TRAPPC2L: variants seen among roughly 807,000 people sequenced by gnomAD.
TRAPPC2L encodes the protein trafficking protein particle complex subunit 2-like protein.
Under a neutral mutation model 13.2 loss-of-function variants are expected in TRAPPC2L, and 17 were observed. The observed-to-expected ratio is 1.29, with a 90% CI of 0.88 to 1.93. TRAPPC2L has a LOEUF of 1.93. TRAPPC2L is among the 30% of genes most tolerant of loss of function. TRAPPC2L has a pLI of 0.00. For synonymous variants in TRAPPC2L, 150 were observed against 98.1 expected (o/e 1.53, Z -3.12); for missense variants, 359 against 252.1 (o/e 1.42, Z -2.87).
Position 88,858,777 on chromosome 16 carries a change from G to A in TRAPPC2L, c.192G>A (p.Thr64=), listed in dbSNP as rs754004742. The stretch of plus-strand genomic sequence containing the variant: ...TGTACCTGGGCCTGCTCTACCCCAC[G>A]GAGGACTACAAGGTGTATCTTTCAG... The change falls in exon 2 of 4, where the codon ACG becomes ACA. Residue 64 remains threonine (T), a synonymous_variant. Coordinates refer to ENST00000565504, the Ensembl canonical transcript of TRAPPC2L. 4.3e-6 allele frequency: 7 copies of A among 1,613,282 alleles called. No individual in the cohort carries two copies. In the Admixed American group the frequency reaches 6.7e-5, roughly 15 times the overall value.
upstream of TRAPPC2L, chr16:88,856,946 C>G (rs973158848): frequency 1.4e-6 from 2 of 1,452,482 alleles, no homozygotes; most frequent in Non-Finnish European, 1.8e-6. Context: ...GCCCTTCCGG[C>G]TGGGCTGCGG....
chr16:88,859,282 T>C, intron 2 of TRAPPC2L: 1 of 591,414 alleles, frequency 1.7e-6, no homozygotes, highest in South Asian at 1.5e-5. Flanking sequence ...GCCACTATTT[T>C]ACAAAATAAT....
Position 88,860,423 on chromosome 16 carries a change from G to A in TRAPPC2L, c.*99G>A, listed in dbSNP as rs1968305733. On this transcript the variant is annotated 3_prime_UTR_variant, in exon 4 of 4. Transcript: ENST00000565504. ...GATTTAACTTTTGAACATCATGAGG[G>A]AAATGTGGGGTCCATGCCCACATTC... is the stretch of plus-strand genomic sequence containing the variant. The A allele has an allele frequency of 6.6e-6, 4 of 607,658 alleles. No individual in the cohort carries two copies. In the East Asian group the frequency reaches 8.2e-5, roughly 12 times the overall value. 37.6% of individuals were successfully genotyped at this position (607,658 alleles called of 1,614,324 possible). A position where few individuals can be genotyped will look rare whatever the true frequency, so the allele number is the denominator to read the frequency against.
exon 4 of TRAPPC2L, chr16:88,861,555 T>G: frequency 2.2e-6 from 1 of 460,626 alleles, no homozygotes; most frequent in Non-Finnish European, 4.5e-6. Flanking sequence ...GCAGCCCTGG[T>G]CCTAAACCTT....
chr16:88,858,616 C>G lies in TRAPPC2L; in HGVS notation c.34-3C>G, dbSNP rs112741302. On this transcript the variant is annotated splice_polypyrimidine_tract_variant and splice_region_variant and intron_variant, in intron 1 of 3. Coordinates refer to ENST00000565504, the Ensembl canonical transcript of TRAPPC2L. ...TTTCAGTCGCCGTCATCCTTTCTTG[C>G]AGAATTACCCCCTCTACATTCGCAG... The G allele has an allele frequency of 1.2e-6, 2 of 1,611,312 alleles. No homozygotes were observed. The highest frequency in any genetic ancestry group is 1.1e-5 in the South Asian group (1 of 91,016).
At chr16:88,857,531 C>G in intron 1 of TRAPPC2L, 1 of 305,584 alleles carries the variant, frequency 3.3e-6, no homozygotes, top group Non-Finnish European at 6.1e-6. Context: ...TCCCCGCGGA[C>G]GGCGGCCCCG....
chr16:88,860,588 G>A, exon 4 of TRAPPC2L: 1 of 587,112 alleles, frequency 1.7e-6, no homozygotes, highest in Non-Finnish European at 3.0e-6. Flanking sequence ...CCAGATGGGA[G>A]CAGGCAGGCG....
intron 3 of TRAPPC2L, 23 bp from the exon 4 acceptor site, chr16:88,859,870 A>C (rs376673647): frequency 1.3e-6 from 2 of 1,553,028 alleles, no homozygotes; most frequent in East Asian, 4.6e-5. Context: ...TGGCAAGGTC[A>C]TGGTTTGCTG....
At chr16:88,856,427 C>T, upstream of TRAPPC2L, 1 of 700,946 alleles carries the variant, frequency 1.4e-6, no homozygotes, top group East Asian at 2.7e-5. Context: ...GGAGGCAGGG[C>T]CCGGTAGCAC....
exon 4 of TRAPPC2L, chr16:88,860,246 C>T (rs1968295199): frequency 5.7e-6 from 4 of 702,428 alleles, no homozygotes; most frequent in South Asian, 4.4e-5. Context: ...CAGTGGGTAC[C>T]TGGGGCACCT....
chr16:88,861,155 G>A, exon 4 of TRAPPC2L: 1 of 611,692 alleles, frequency 1.6e-6, no homozygotes. Context: ...ATTTAATTAA[G>A]AAGAATTCAA....
At chr16:88,858,619 A>G (rs138249384) in exon 2 of TRAPPC2L, 1 of 1,612,324 alleles carries the variant, frequency 6.2e-7, no homozygotes, top group Non-Finnish European at 8.5e-7. Flanking sequence ...TTTCTTGCAG[A>G]ATTACCCCCT....
chr16:88,858,836 C>G (rs201099935), intron 2 of TRAPPC2L, 45 bp downstream of exon 2: 5 of 1,571,636 alleles, frequency 3.2e-6, no homozygotes, highest in African/African-American at 1.4e-5. Context: ...CCTACAGTTG[C>G]AAGATGTACT....
At chr16:88,858,573 C>G (rs1968146042) in intron 1 of TRAPPC2L, 46 bp from the exon 2 acceptor site, 2 of 1,595,588 alleles carry the variant, frequency 1.3e-6, no homozygotes, top group East Asian at 4.5e-5. Context: ...CTGGTGTGCG[C>G]TGGGTGGAGT....
upstream of TRAPPC2L, chr16:88,856,285 G>C: frequency 1.4e-6 from 1 of 703,012 alleles, no homozygotes; most frequent in South Asian, 1.5e-5. Context: ...GGCGGCCCGA[G>C]GTGGCGGGAG....
exon 2 of TRAPPC2L, chr16:88,858,630 C>T: frequency 6.2e-7 from 1 of 1,612,988 alleles, no homozygotes; most frequent in Non-Finnish European, 8.5e-7. Context: ...ATTACCCCCT[C>T]TACATTCGCA....
exon 4 of TRAPPC2L, chr16:88,860,768 T>G (rs1968325254): frequency 1.2e-6 from 1 of 864,944 alleles, no homozygotes; most frequent in Non-Finnish European, 1.8e-6. Flanking sequence ...GGGACTCCTG[T>G]CCTGGCCTCT....
At chr16:88,857,029 G>T, upstream of TRAPPC2L, 1 of 1,414,702 alleles carries the variant, frequency 7.1e-7, no homozygotes, top group South Asian at 1.5e-5. Context: ...GCGGGGCCTG[G>T]ACTGCCTCGT....
chr16:88,856,763 C>G, upstream of TRAPPC2L: 1 of 1,535,952 alleles, frequency 6.5e-7, no homozygotes, highest in Non-Finnish European at 8.7e-7. Context: ...CTCACGTCGT[C>G]CATGAGCAGG....
Sources: gnomAD v4.1 joint callset for allele counts on GRCh38, gnomAD v4.1.1 for gene constraint, MANE v1.5 for transcripts, NCBI Gene and HGNC (gene_info 2026-07-23, HGNC 2026-07-21) for gene names.